The following TAFA2 variants were observed in gnomAD, a reference collection of about 807,000 sequenced individuals.
The protein encoded by TAFA2 is TAFA chemokine like family member 2.
TAFA2 carries 7 observed loss-of-function variants against 18.8 expected under a neutral mutation model. The ratio of observed to expected loss-of-function variants is 0.37; its 90% CI spans 0.21 to 0.70. TAFA2 has a LOEUF of 0.70. Among genes scored for constraint, TAFA2 ranks in the 30% least tolerant of loss-of-function variants. The probability of loss-of-function intolerance (pLI) is 0.53; values close to 1 mark genes in which losing one functional copy is unlikely to be tolerated. For synonymous variants in TAFA2, 60 were observed against 54.2 expected, an observed-to-expected ratio of 1.11 and a Z score of -0.47; for missense variants, 122 against 158.1, an observed-to-expected ratio of 0.77 and a Z score of 1.23.
chr12:61,795,053 T>G (rs1023011308), intron 2 of TAFA2, among the ~76,000 whole-genome samples: 1 of 152,114 alleles, frequency 6.6e-6, no homozygotes, highest in Non-Finnish European at 1.5e-5. Flanking sequence ...CCAGTTAGAA[T>G]GGTGATCATT....
chr12:61,867,469 A>G (rs368142177), intron 1 of TAFA2, 43 bp from the exon 2 acceptor site: 7 of 1,219,062 alleles, frequency 5.7e-6, no homozygotes, highest in Non-Finnish European at 8.4e-6. Flanking sequence ...ATGCAAATTC[A>G]TAGCTTTTCC....
intron 1 of TAFA2, among the ~76,000 whole-genome samples, chr12:62,088,921 T>C (rs1330282610): frequency 1.3e-5 from 2 of 152,056 alleles, no homozygotes; most frequent in African/African-American, 4.8e-5. Context: ...TGTGTGTGTG[T>C]GTGTGTGCAC....
rs563461804 is a variant in TAFA2, at chr12:61,746,534, G to A, written c.384+7088C>T. 7.9e-5 allele frequency among the ~76,000 whole-genome samples: 12 copies of A among 152,204 alleles called. No homozygotes were observed. In the South Asian group the frequency reaches 2.5e-3, roughly 32 times the overall value. The stretch of plus-strand genomic sequence containing the variant: ...CTCTGGAAAGAAACAAAGCCCTGTT[G>A]TGAAAAGGTGAAACATATCCCTTAA... On this transcript the variant is annotated intron_variant, in intron 4 of 4. Transcript: ENST00000416284.
chr12:61,865,111 T>C (rs1427423580), intron 2 of TAFA2, among the ~76,000 whole-genome samples: 1 of 152,036 alleles, frequency 6.6e-6, no homozygotes, highest in South Asian at 2.1e-4. Flanking sequence ...CCCCTCCCCC[T>C]CCTGAAAGGA....
At chr12:61,915,201 T>A (rs140003483) in intron 1 of TAFA2, among the ~76,000 whole-genome samples, 95 of 152,256 alleles carry the variant, frequency 6.2e-4, no homozygotes, top group African/African-American at 2.2e-3. Flanking sequence ...TGATGTGGCG[T>A]AGTCTAGACA....
chr12:62,105,247 T>C (rs1209992105), intron 1 of TAFA2, among the ~76,000 whole-genome samples: 3 of 152,184 alleles, frequency 2.0e-5, no homozygotes, highest in Non-Finnish European at 4.4e-5. Flanking sequence ...TTCTAAACCA[T>C]TAAATCAGCA....
chr12:62,145,101 G>A (rs1047556980), intron 1 of TAFA2, among the ~76,000 whole-genome samples: 12 of 152,180 alleles, frequency 7.9e-5, no homozygotes, highest in African/African-American at 2.7e-4. Flanking sequence ...GTTTATAATA[G>A]TTTGTCCAAT....
At chr12:61,759,147 T>C (rs920571148) in intron 2 of TAFA2, among the ~76,000 whole-genome samples, 1 of 152,060 alleles carries the variant, frequency 6.6e-6, no homozygotes, top group Non-Finnish European at 1.5e-5. Context: ...AACTCATCTG[T>C]TTTCCATTTC....
In TAFA2 at chr12:62,134,131, A is replaced by C. The variant is rs116903130; in HGVS notation, c.-2+57128T>G. ...TATGCTTGGATTTTTCTGGTCCTTC[A>C]AGATTCAATTTAAAGTGCTGCTTCC... On this transcript the variant is annotated intron_variant, in intron 1 of 4. Coordinates refer to ENST00000416284, the MANE Select transcript of TAFA2 (RefSeq NM_178539.5). Among the ~76,000 whole-genome samples the C allele has an allele frequency of 1.8e-4, 28 of 151,920 alleles. No homozygotes were observed. In the East Asian group the frequency reaches 5.4e-3, roughly 30 times the overall value.
Position 62,234,866 on chromosome 12 carries a change from A to G in TAFA2, c.-130+23897T>C, listed in dbSNP as rs550672064. 3.9e-5 allele frequency: 41 copies of G among 1,046,894 alleles called. 1 individual carries two copies. The East Asian group carries it at 1.0e-3, about 26-fold the overall frequency. The allele number at this position is 1,046,894 out of a possible 1,614,324, so 64.9% of individuals were successfully genotyped here. ...GATCCTAAAACCAGCAATGACTGGG[A>G]CTCAGCTCGGGGCATCCCACGATCA... On this transcript the variant is annotated intron_variant, in intron 1 of 5. Coordinates refer to the TAFA2 transcript ENST00000551619.
intron 1 of TAFA2, among the ~76,000 whole-genome samples, chr12:61,924,267 A>C (rs1592489942): frequency 6.6e-6 from 1 of 152,218 alleles, no homozygotes; most frequent in Non-Finnish European, 1.5e-5. Flanking sequence ...CAAGGAGAGC[A>C]ACCCCAAGAC....
chr12:62,200,845 G>A (rs1187733554), intron 1 of TAFA2, among the ~76,000 whole-genome samples: 1 of 151,876 alleles, frequency 6.6e-6, no homozygotes, highest in Non-Finnish European at 1.5e-5. Context: ...ACTTTGGGCG[G>A]TATGGCCATT....
At chr12:62,185,318 T>C (rs2062578657) in intron 1 of TAFA2, among the ~76,000 whole-genome samples, 1 of 152,242 alleles carries the variant, frequency 6.6e-6, no homozygotes, top group African/African-American at 2.4e-5. Context: ...ATTCTCCCCT[T>C]GGCCTTTGAA....
intron 1 of TAFA2, among the ~76,000 whole-genome samples, chr12:62,160,305 G>A (rs1362586599): frequency 1.3e-5 from 2 of 152,136 alleles, no homozygotes; most frequent in East Asian, 1.9e-4. Flanking sequence ...GGCAGCTCAT[G>A]GGAGAAATTT....
At chr12:61,981,613 G>A (rs1879638872) in intron 1 of TAFA2, among the ~76,000 whole-genome samples, 1 of 152,000 alleles carries the variant, frequency 6.6e-6, no homozygotes, top group Admixed American at 6.6e-5. Context: ...AAATTTACAA[G>A]AAAAAACAAA....
chr12:62,168,100 T>A (rs914714574), intron 1 of TAFA2, among the ~76,000 whole-genome samples: 3 of 152,216 alleles, frequency 2.0e-5, no homozygotes, highest in Non-Finnish European at 4.4e-5. Flanking sequence ...TGTCTGAGTG[T>A]GTGTCTAGCC....
chr12:61,930,735 A>T, intron 1 of TAFA2, among the ~76,000 whole-genome samples: 1 of 152,214 alleles, frequency 6.6e-6, no homozygotes, highest in East Asian at 1.9e-4. Flanking sequence ...AAGGCCTTGG[A>T]ACATATTTTC....
At chr12:61,745,297 G>T (rs1007275432) in intron 4 of TAFA2, among the ~76,000 whole-genome samples, 5 of 152,030 alleles carry the variant, frequency 3.3e-5, no homozygotes, top group Admixed American at 1.3e-4. Flanking sequence ...GTTTAAGTCA[G>T]TTGTGACATT....
intron 1 of TAFA2, among the ~76,000 whole-genome samples, chr12:61,886,093 G>C (rs538696903): frequency 5.9e-5 from 9 of 152,236 alleles, no homozygotes; most frequent in African/African-American, 2.2e-4. Context: ...TTTGGGTAAG[G>C]CCTCCCTTTG....
Sources: allele counts gnomAD v4.1 joint callset (sites outside exome capture counted in the v4.1 genomes callset), GRCh38; gene constraint gnomAD v4.1.1; transcripts MANE v1.5; gene names NCBI Gene and HGNC (gene_info 2026-07-23, HGNC 2026-07-21).